Variants in NCKAP5 observed in about 807,000 individuals in gnomAD.
NCKAP5 encodes the protein nck-associated protein 5.
NCKAP5 carries 92 observed loss-of-function variants against 167.0 expected under a neutral mutation model. The ratio of observed to expected loss-of-function variants is 0.55; its 90% CI spans 0.47 to 0.66. NCKAP5 has a LOEUF of 0.66. Among genes scored for constraint, NCKAP5 ranks in the 30% least tolerant of loss-of-function variants. The probability of loss-of-function intolerance (pLI) is 0.00; values close to 1 mark genes in which losing one functional copy is unlikely to be tolerated. For synonymous variants in NCKAP5, 891 were observed against 877.4 expected, an observed-to-expected ratio of 1.02 and a Z score of -0.27; for missense variants, 2,378 against 2,315.0, an observed-to-expected ratio of 1.03 and a Z score of -0.56.
At chr2:132,869,731 C>T (rs1433057815) in intron 9 of NCKAP5, among the ~76,000 whole-genome samples, 1 of 152,132 alleles carries the variant, frequency 6.6e-6, no homozygotes, top group African/African-American at 2.4e-5. Context: ...GGGGCTCACC[C>T]TTCGTCTTCC....
Position 133,535,828 on chromosome 2 carries a change from C to T in NCKAP5, c.-61-18241G>A, listed in dbSNP as rs377634629. Among the ~76,000 whole-genome samples the T allele has an allele frequency of 1.1e-4, 16 of 152,198 alleles. No individual in the cohort carries two copies. The East Asian group carries it at 2.3e-3, about 22-fold the overall frequency. The stretch of plus-strand genomic sequence containing the variant: ...TTGATTTTAAACTTTTTAGTAATAG[C>T]CATTCTGACTGGTGTGAGACATTAT... On this transcript the variant is annotated intron_variant, in intron 2 of 19. Coordinates refer to ENST00000409261, the MANE Select transcript of NCKAP5 (RefSeq NM_207363.3).
chr2:133,171,250 G>T (rs960563188), intron 5 of NCKAP5, among the ~76,000 whole-genome samples: 1 of 152,204 alleles, frequency 6.6e-6, no homozygotes, highest in African/African-American at 2.4e-5. Flanking sequence ...ATGATAAAGA[G>T]AAGTAGGCCA....
intron 3 of NCKAP5, among the ~76,000 whole-genome samples, chr2:133,351,299 A>T (rs1684342807): frequency 6.6e-6 from 1 of 152,316 alleles, no homozygotes; most frequent in Admixed American, 6.5e-5. Flanking sequence ...TTAATGATTT[A>T]AAAACCAAGC....
At chr2:133,236,494 A>G (rs2087428374) in intron 4 of NCKAP5, among the ~76,000 whole-genome samples, 1 of 152,206 alleles carries the variant, frequency 6.6e-6, no homozygotes, top group South Asian at 2.1e-4. Context: ...CCTATAAGTA[A>G]AAGGACTGTT....
At chr2:132,808,582 T>C (rs1685618780) in intron 11 of NCKAP5, among the ~76,000 whole-genome samples, 1 of 152,166 alleles carries the variant, frequency 6.6e-6, no homozygotes, top group African/African-American at 2.4e-5. Flanking sequence ...TGATCTTTTG[T>C]ATTTCAGTGG....
At chr2:133,648,466 G>C in the NCKAP5 span, among the ~76,000 whole-genome samples, 1 of 152,046 alleles carries the variant, frequency 6.6e-6, no homozygotes, top group African/African-American at 2.4e-5. Context: ...CTTTTCTCAA[G>C]TGCATATGGA....
intron 5 of NCKAP5, among the ~76,000 whole-genome samples, chr2:133,163,757 T>C (rs1270578996): frequency 6.6e-6 from 1 of 152,172 alleles, no homozygotes; most frequent in Non-Finnish European, 1.5e-5. Context: ...AAGGAATTTT[T>C]ATTTTCACTT....
chr2:133,408,174 C>T (rs574916255), intron 3 of NCKAP5, among the ~76,000 whole-genome samples: 29 of 152,216 alleles, frequency 1.9e-4, no homozygotes, highest in Admixed American at 1.4e-3. Context: ...GGGGGCAAAC[C>T]ATCTGATTGA....
rs140002025 is a variant in NCKAP5 at position 132,754,328 on chromosome 2, T to C, written c.5128+19488A>G. On this transcript the variant is annotated intron_variant, in intron 16 of 19. Coordinates refer to ENST00000409261, the MANE Select transcript of NCKAP5 (RefSeq NM_207363.3). ...TGGAAGACCCCAAACTAGACTGTTG[T>C]AAATGTCATTATAATCCTGAATAAC... Among the ~76,000 whole-genome samples, 214 of 152,318 alleles carry C rather than the reference T, an allele frequency of 1.4e-3. 1 individual carries two copies. Among genetic ancestry groups the C allele is most frequent in the African/African-American group, 4.9e-3 (205 of 41,576 alleles).
chr2:132,832,585 T>C (rs1370895021), intron 11 of NCKAP5, among the ~76,000 whole-genome samples: 2 of 152,290 alleles, frequency 1.3e-5, no homozygotes, highest in Middle Eastern at 3.4e-3. Context: ...TGTGTACATA[T>C]ATTTTAACAC....
intron 19 of NCKAP5, among the ~76,000 whole-genome samples, chr2:132,685,190 T>C (rs1177311308): frequency 6.6e-6 from 1 of 152,192 alleles, no homozygotes; most frequent in African/African-American, 2.4e-5. Flanking sequence ...CCCATGATTA[T>C]TTTGCTATAG....
chr2:133,154,135 C>G (rs2083485000), intron 5 of NCKAP5, among the ~76,000 whole-genome samples: 1 of 152,182 alleles, frequency 6.6e-6, no homozygotes, highest in South Asian at 2.1e-4. Context: ...AGCCACCACT[C>G]CCGGCCAGTT....
chr2:133,142,687 C>T (rs2083045071), intron 5 of NCKAP5, among the ~76,000 whole-genome samples: 1 of 152,136 alleles, frequency 6.6e-6, no homozygotes, highest in African/African-American at 2.4e-5. Flanking sequence ...TGAAAGTTTG[C>T]AGACCTGGAA....
chr2:132,768,154 T>G (rs1352890111), intron 16 of NCKAP5, among the ~76,000 whole-genome samples: 1 of 152,228 alleles, frequency 6.6e-6, no homozygotes, highest in Non-Finnish European at 1.5e-5. Flanking sequence ...GTAAATAACA[T>G]GTATCTTTCA....
At chr2:133,587,125 G>T in the NCKAP5 span, among the ~76,000 whole-genome samples, 1 of 152,140 alleles carries the variant, frequency 6.6e-6, no homozygotes, top group Non-Finnish European at 1.5e-5. Flanking sequence ...TAAAGCAAAA[G>T]GCTGGCACCA....
intron 6 of NCKAP5, among the ~76,000 whole-genome samples, chr2:133,080,756 A>C (rs928842083): frequency 5.3e-5 from 8 of 152,184 alleles, no homozygotes; most frequent in African/African-American, 1.7e-4. Flanking sequence ...TTGTGGAGTA[A>C]AGCAAATACA....
rs112683737 is a variant in NCKAP5, at chr2:133,329,927, C to G, written c.70-26817G>C. ...GGAATCTGAGTTTTTTAAAGGCTCT[C>G]CAGATATACCCCTGAACAACCTTTT... On this transcript the variant is annotated intron_variant, in intron 3 of 19. Coordinates refer to ENST00000409261, the MANE Select transcript of NCKAP5 (RefSeq NM_207363.3). Among the ~76,000 whole-genome samples, 239 of 152,108 alleles carry G rather than the reference C, an allele frequency of 1.6e-3. 3 individuals are homozygous for G. Among genetic ancestry groups the G allele is most frequent in the African/African-American group, 5.3e-3 (219 of 41,492 alleles).
At chr2:133,582,649 G>T in the NCKAP5 span, among the ~76,000 whole-genome samples, 1 of 152,166 alleles carries the variant, frequency 6.6e-6, no homozygotes, top group Non-Finnish European at 1.5e-5. Flanking sequence ...TTTCCAAGGG[G>T]CAGACATAAA....
At chr2:132,903,286 CTAAATGGCTACCATTTTGGT>C (rs1574576692) in intron 8 of NCKAP5, among the ~76,000 whole-genome samples, 1 of 152,216 alleles carries the variant, frequency 6.6e-6, no homozygotes, top group African/African-American at 2.4e-5. Context: ...CCTTGTTTGG[CTAAATGGCTACCATTTTGGT>C]TAAATGGCTA....
Sources: allele counts gnomAD v4.1 joint callset (sites outside exome capture counted in the v4.1 genomes callset), GRCh38; gene constraint gnomAD v4.1.1; transcripts MANE v1.5; gene names NCBI Gene and HGNC (gene_info 2026-07-23, HGNC 2026-07-21).